Variants in RIMS1 observed in about 807,000 individuals in gnomAD.
RIMS1 encodes the protein regulating synaptic membrane exocytosis protein 1.
RIMS1 carries 83 observed loss-of-function variants against 214.1 expected under a neutral mutation model. The ratio of observed to expected loss-of-function variants is 0.39; its 90% CI spans 0.32 to 0.47. RIMS1 has a LOEUF of 0.47. Among genes scored for constraint, RIMS1 ranks in the 20% least tolerant of loss-of-function variants. The probability of loss-of-function intolerance (pLI) is 0.99; values close to 1 mark genes in which losing one functional copy is unlikely to be tolerated. For synonymous variants in RIMS1, 793 were observed against 786.8 expected, an observed-to-expected ratio of 1.01 and a Z score of -0.13; for missense variants, 2,050 against 2,161.8, an observed-to-expected ratio of 0.95 and a Z score of 1.03.
intron 2 of RIMS1, among the ~76,000 whole-genome samples, chr6:72,092,600 G>A (rs1178447170): frequency 6.6e-6 from 1 of 152,182 alleles, no homozygotes; most frequent in Non-Finnish European, 1.5e-5. Flanking sequence ...TAAAGCACAT[G>A]AGAGGAGGGC....
intron 28 of RIMS1, among the ~76,000 whole-genome samples, chr6:72,319,580 G>A (rs561351939): frequency 6.6e-6 from 1 of 152,200 alleles, no homozygotes; most frequent in African/African-American, 2.4e-5. Flanking sequence ...TGAATCTTTG[G>A]TTCTGTCAGC....
chr6:72,352,467 A>G (rs1049665296), intron 29 of RIMS1, among the ~76,000 whole-genome samples: 1 of 152,220 alleles, frequency 6.6e-6, no homozygotes, highest in African/African-American at 2.4e-5. Context: ...TAGCCATCAT[A>G]CTATTATATC....
In RIMS1 at chr6:72,108,969, C is replaced by T. The variant is rs183388047; in HGVS notation, c.471+8983C>T. ...TGCAGTGTCTGGTTTTTTGTTCTTGCGATAGTTTACTGAGAATGAAGATTT... is the reference window on the plus strand; with the variant it reads ...TGCAGTGTCTGGTTTTTTGTTCTTGTGATAGTTTACTGAGAATGAAGATTT... On this transcript the variant is annotated intron_variant, in intron 4 of 33. Coordinates refer to ENST00000521978, the MANE Select transcript of RIMS1 (RefSeq NM_014989.7). Among the ~76,000 whole-genome samples, 1,118 of 150,338 alleles carry T rather than the reference C, an allele frequency of 7.4e-3. 15 individuals carry two copies. The highest frequency in any genetic ancestry group is 0.026 in the African/African-American group (1,079 of 40,884).
At chr6:72,352,983 CTTTTT>C (rs70994123) in intron 29 of RIMS1, among the ~76,000 whole-genome samples, 1 of 88,270 alleles carries the variant, frequency 1.1e-5, no homozygotes, top group African/African-American at 4.6e-5. Flanking sequence ...ATTCTTTTTT[CTTTTT>C]TTTTTTTTTT....
chr6:72,045,385 A>G (rs1055629330), intron 2 of RIMS1, among the ~76,000 whole-genome samples: 2 of 151,986 alleles, frequency 1.3e-5, no homozygotes, highest in African/African-American at 2.4e-5. Flanking sequence ...CACCAAACAT[A>G]TTTATTATCT....
At chr6:72,233,374 G>A (rs1055969378) in intron 6 of RIMS1, among the ~76,000 whole-genome samples, 8 of 151,556 alleles carry the variant, frequency 5.3e-5, no homozygotes, top group African/African-American at 1.9e-4. Context: ...AGTTCAGAAA[G>A]TATAAAGAGA....
intron 2 of RIMS1, among the ~76,000 whole-genome samples, chr6:72,038,912 A>C (rs1820664857): frequency 6.6e-6 from 1 of 152,090 alleles, no homozygotes; most frequent in Admixed American, 6.6e-5. Context: ...CTTCTTGTAC[A>C]ATGATTGTTT....
At chr6:71,928,412 A>C (rs1397952533) in intron 1 of RIMS1, among the ~76,000 whole-genome samples, 1 of 152,078 alleles carries the variant, frequency 6.6e-6, no homozygotes, top group Admixed American at 6.6e-5. Context: ...ATAATGCTCA[A>C]AGTCCATCTT....
chr6:72,385,408 A>C (rs1376700330), intron 29 of RIMS1, among the ~76,000 whole-genome samples: 4 of 152,246 alleles, frequency 2.6e-5, no homozygotes, highest in African/African-American at 9.6e-5. Context: ...CTTTTTAACA[A>C]ACTTTTACAA....
At chr6:72,217,977 T>A (rs189180038) in intron 6 of RIMS1, among the ~76,000 whole-genome samples, 1 of 152,222 alleles carries the variant, frequency 6.6e-6, no homozygotes, top group Non-Finnish European at 1.5e-5. Context: ...TCTGTAGGAA[T>A]GGCAAAACAT....
intron 4 of RIMS1, among the ~76,000 whole-genome samples, chr6:72,123,848 T>G (rs1489676681): frequency 1.3e-5 from 2 of 151,916 alleles, no homozygotes; most frequent in Non-Finnish European, 2.9e-5. Flanking sequence ...CATCCTTTTA[T>G]TTTGAGGCTA....
intron 2 of RIMS1, among the ~76,000 whole-genome samples, chr6:72,067,721 T>C (rs968972435): frequency 6.6e-6 from 1 of 152,216 alleles, no homozygotes; most frequent in Non-Finnish European, 1.5e-5. Context: ...AGATTTGCAA[T>C]ATAGATTTGT....
chr6:72,111,737 G>T (rs1054881675), intron 4 of RIMS1, among the ~76,000 whole-genome samples: 1 of 152,166 alleles, frequency 6.6e-6, no homozygotes, highest in South Asian at 2.1e-4. Context: ...GCAGCAGGGA[G>T]TTCAGGGCAG....
intron 2 of RIMS1, among the ~76,000 whole-genome samples, chr6:71,986,910 T>G (rs553584708): frequency 3.1e-4 from 47 of 152,356 alleles, no homozygotes; most frequent in Non-Finnish European, 6.8e-4. Flanking sequence ...GGGCAGAATT[T>G]GTGTCTAAAA....
intron 4 of RIMS1, among the ~76,000 whole-genome samples, chr6:72,112,246 A>G (rs550348415): frequency 6.6e-6 from 1 of 152,220 alleles, no homozygotes; most frequent in African/African-American, 2.4e-5. Context: ...ACTTTCGCCA[A>G]ACTGGTCCAA....
At chr6:72,297,712 G>A (rs1020064806) in intron 26 of RIMS1, among the ~76,000 whole-genome samples, 21 of 151,932 alleles carry the variant, frequency 1.4e-4, no homozygotes, top group Non-Finnish European at 2.6e-4. Context: ...CGTCCAGGAA[G>A]GTATAGGTCA....
intron 22 of RIMS1, among the ~76,000 whole-genome samples, chr6:72,266,701 G>C (rs2080723607): frequency 6.6e-6 from 1 of 152,036 alleles, no homozygotes; most frequent in South Asian, 2.1e-4. Context: ...ATTCATTGAT[G>C]TTGTGTTACA....
intron 4 of RIMS1, among the ~76,000 whole-genome samples, chr6:72,141,925 T>A (rs528961302): frequency 3.4e-4 from 52 of 152,138 alleles, no homozygotes; most frequent in African/African-American, 1.2e-3. Context: ...CCTATTAGCT[T>A]CCTTCAAGTT....
At chr6:72,125,161 T>G (rs527611088) in intron 4 of RIMS1, among the ~76,000 whole-genome samples, 1 of 152,342 alleles carries the variant, frequency 6.6e-6, no homozygotes, top group Admixed American at 6.5e-5. Flanking sequence ...TAGATGGGGT[T>G]TTGGTGTAGA....
Sources: gnomAD v4.1 joint callset for allele counts (sites outside exome capture counted in the v4.1 genomes callset) on GRCh38, gnomAD v4.1.1 for gene constraint, MANE v1.5 for transcripts, NCBI Gene and HGNC (gene_info 2026-07-23, HGNC 2026-07-21) for gene names.